Variants in PHACTR1 observed in about 807,000 individuals in gnomAD.
PHACTR1 encodes phosphatase and actin regulator 1, also known as RPEL repeat containing 1.
Under a neutral mutation model 69.2 loss-of-function variants are expected in PHACTR1, and 16 were observed. The observed-to-expected ratio is 0.23, with a 90% CI of 0.16 to 0.35. The LOEUF is 0.35. Among genes scored for constraint, PHACTR1 ranks in the 10% least tolerant of loss-of-function variants. The pLI, the probability that PHACTR1 is intolerant of heterozygous loss-of-function variation, is 1.00. For synonymous variants in PHACTR1, 312 were observed against 284.5 expected (o/e 1.10, Z -0.97); for missense variants, 510 against 734.7 (o/e 0.69, Z 3.54).
At chr6:13,015,743 T>C (rs993852106) in intron 4 of PHACTR1, among the ~76,000 whole-genome samples, 1 of 152,190 alleles carries the variant, frequency 6.6e-6, no homozygotes, top group Non-Finnish European at 1.5e-5. Context: ...GTATACCCCG[T>C]CAATGGAGAC....
chr6:12,789,021 G>T (rs563136524), intron 4 of PHACTR1, among the ~76,000 whole-genome samples: 1 of 152,306 alleles, frequency 6.6e-6, no homozygotes, highest in East Asian at 1.9e-4. Context: ...ATCAGCTGAG[G>T]TCATTTGGAT....
chr6:13,192,994 C>T (rs1287451163), intron 7 of PHACTR1, among the ~76,000 whole-genome samples: 3 of 152,104 alleles, frequency 2.0e-5, no homozygotes, highest in Non-Finnish European at 2.9e-5. Flanking sequence ...TTGAAGGAAA[C>T]ATGATAACCT....
At chr6:13,114,478 G>A (rs1474330987) in intron 5 of PHACTR1, among the ~76,000 whole-genome samples, 1 of 152,154 alleles carries the variant, frequency 6.6e-6, no homozygotes, top group Non-Finnish European at 1.5e-5. Flanking sequence ...TAGAGGATGA[G>A]AGCTTCAACA....
chr6:13,120,231 C>G (rs1442887822), intron 5 of PHACTR1, among the ~76,000 whole-genome samples: 1 of 152,172 alleles, frequency 6.6e-6, no homozygotes, highest in Non-Finnish European at 1.5e-5. Flanking sequence ...TTCCTTTCTT[C>G]TCCCTCCCTG....
intron 4 of PHACTR1, among the ~76,000 whole-genome samples, chr6:12,786,125 G>C (rs1001531540): frequency 6.6e-6 from 1 of 152,162 alleles, no homozygotes; most frequent in Non-Finnish European, 1.5e-5. Flanking sequence ...CAGTGAATGG[G>C]ACCTTTGTAG....
At chr6:13,202,481 CTTT>C (rs1164105884) in intron 7 of PHACTR1, among the ~76,000 whole-genome samples, 5 of 129,938 alleles carry the variant, frequency 3.8e-5, no homozygotes, top group Admixed American at 1.6e-4. Context: ...TGCACTGAAG[CTTT>C]TTTTTTTTTT....
intron 4 of PHACTR1, among the ~76,000 whole-genome samples, chr6:12,843,353 A>G (rs981893519): frequency 6.6e-6 from 1 of 152,164 alleles, no homozygotes; most frequent in Non-Finnish European, 1.5e-5. Flanking sequence ...CCTAGAAGGA[A>G]AAAAGGAGAC....
At chr6:13,015,367 GA>G (rs1325039971) in intron 4 of PHACTR1, among the ~76,000 whole-genome samples, 3 of 152,182 alleles carry the variant, frequency 2.0e-5, no homozygotes, top group Non-Finnish European at 4.4e-5. Context: ...CAAAACACAT[GA>G]ACGCCCCTGC....
chr6:13,073,936 A>G (rs939077623), intron 5 of PHACTR1, among the ~76,000 whole-genome samples: 1 of 150,872 alleles, frequency 6.6e-6, no homozygotes, highest in Non-Finnish European at 1.5e-5. Context: ...GAAGTGGTGC[A>G]ATCTCGGCTC....
chr6:12,993,862 C>G (rs1797099281), intron 4 of PHACTR1, among the ~76,000 whole-genome samples: 2 of 152,132 alleles, frequency 1.3e-5, no homozygotes, highest in Non-Finnish European at 2.9e-5. Context: ...AAAAATCACT[C>G]TGTAAGGAGT....
chr6:12,853,353 A>G (rs897743715), intron 4 of PHACTR1, among the ~76,000 whole-genome samples: 9 of 152,210 alleles, frequency 5.9e-5, no homozygotes, highest in Non-Finnish European at 1.2e-4. Context: ...AGGCAAAAGA[A>G]GCTGATCAGA....
intron 4 of PHACTR1, among the ~76,000 whole-genome samples, chr6:12,948,997 G>A (rs868468141): frequency 5.7e-4 from 86 of 152,124 alleles, no homozygotes; most frequent in African/African-American, 2.1e-3. Context: ...TGGGCCAGGC[G>A]CAATGGCTCA....
intron 4 of PHACTR1, among the ~76,000 whole-genome samples, chr6:13,013,320 A>G (rs867572902): frequency 6.6e-6 from 1 of 152,210 alleles, no homozygotes; most frequent in South Asian, 2.1e-4. Flanking sequence ...TTATGTTGTA[A>G]CAGGTTGTCT....
intron 5 of PHACTR1, among the ~76,000 whole-genome samples, chr6:13,096,310 C>A (rs1423093478): frequency 6.6e-6 from 1 of 152,194 alleles, no homozygotes; most frequent in Non-Finnish European, 1.5e-5. Flanking sequence ...ATTCACAAGC[C>A]TCTCTAAAGG....
intron 10 of PHACTR1, among the ~76,000 whole-genome samples, chr6:13,249,991 A>G (rs555599893): frequency 2.6e-5 from 4 of 152,306 alleles, no homozygotes; most frequent in Admixed American, 2.6e-4. Flanking sequence ...TGTGGCCCAC[A>G]GACTGAACCC....
chr6:12,849,181 T>G (rs1269962231), intron 4 of PHACTR1, among the ~76,000 whole-genome samples: 2 of 152,170 alleles, frequency 1.3e-5, no homozygotes, highest in Non-Finnish European at 2.9e-5. Context: ...AGAAGCTCCC[T>G]AGGAGCGTGT....
intron 4 of PHACTR1, among the ~76,000 whole-genome samples, chr6:12,892,006 G>A (rs772313748): frequency 1.3e-5 from 2 of 152,228 alleles, no homozygotes; most frequent in Admixed American, 6.5e-5. Flanking sequence ...CAAGTAAAGT[G>A]TAAAGGTTCT....
intron 4 of PHACTR1, among the ~76,000 whole-genome samples, chr6:12,927,626 A>T (rs1445979184): frequency 6.6e-6 from 1 of 152,234 alleles, no homozygotes; most frequent in Non-Finnish European, 1.5e-5. Flanking sequence ...GTTTAATTCC[A>T]GAATCTGGGC....
intron 4 of PHACTR1, among the ~76,000 whole-genome samples, chr6:12,842,891 G>A (rs1297020472): frequency 6.6e-6 from 1 of 152,098 alleles, no homozygotes; most frequent in East Asian, 1.9e-4. Flanking sequence ...TTAATGTAAT[G>A]TACCTATTGA....
Sources: gnomAD v4.1 joint callset for allele counts (sites outside exome capture counted in the v4.1 genomes callset) on GRCh38, gnomAD v4.1.1 for gene constraint, MANE v1.5 for transcripts, NCBI Gene and HGNC (gene_info 2026-07-23, HGNC 2026-07-21) for gene names.